The following ADGRL3 variants were observed in gnomAD, a reference collection of about 807,000 sequenced individuals.
ADGRL3 encodes calcium-independent alpha-latrotoxin receptor 3.
A neutral mutation model predicts 153.5 loss-of-function variants in ADGRL3; 62 were observed. That is an observed-to-expected ratio of 0.40 (90% CI 0.33 to 0.50). The LOEUF is 0.50. Ranked by LOEUF, ADGRL3 falls within the 20% of genes least tolerant of loss-of-function variation. The pLI, the probability that ADGRL3 is intolerant of heterozygous loss-of-function variation, is 0.47. For synonymous variants in ADGRL3, 710 were observed against 672.5 expected, an observed-to-expected ratio of 1.06 and a Z score of -0.86; for missense variants, 1,641 against 1,859.4, an observed-to-expected ratio of 0.88 and a Z score of 2.16.
intron 20 of ADGRL3, among the ~76,000 whole-genome samples, chr4:61,997,077 T>G (rs981326453): frequency 2.6e-5 from 4 of 152,066 alleles, no homozygotes; most frequent in Non-Finnish European, 5.9e-5. Context: ...ACAAGATGTA[T>G]TTTGGAATCA....
At chr4:61,867,515 C>CATATATATATATATATAGATATATATAT in intron 9 of ADGRL3, among the ~76,000 whole-genome samples, 1 of 81,162 alleles carries the variant, frequency 1.2e-5, no homozygotes, top group Non-Finnish European at 2.7e-5. Context: ...AATATATATG[C>CATATATATATATATATAGATATATATAT]ATATATATAT....
intron 1 of ADGRL3, among the ~76,000 whole-genome samples, chr4:61,253,576 G>T (rs2091668186): frequency 6.6e-6 from 1 of 152,030 alleles, no homozygotes; most frequent in African/African-American, 2.4e-5. Flanking sequence ...CTGTGTTGCA[G>T]GATCCCCTTG....
chr4:61,851,963 C>T (rs1005390854), intron 9 of ADGRL3, among the ~76,000 whole-genome samples: 4 of 152,110 alleles, frequency 2.6e-5, no homozygotes, highest in African/African-American at 7.2e-5. Context: ...TCATCACGCA[C>T]GTGTTTACGG....
intron 3 of ADGRL3, among the ~76,000 whole-genome samples, chr4:61,507,157 G>A (rs1326886705): frequency 6.6e-6 from 1 of 152,012 alleles, no homozygotes; most frequent in East Asian, 1.9e-4. Context: ...TTTTGATAGG[G>A]AACTTGGTGA....
intron 8 of ADGRL3, 74 bp downstream of exon 8, chr4:61,733,628 T>G (rs529837492): frequency 1.9e-6 from 2 of 1,076,486 alleles, no homozygotes; most frequent in African/African-American, 3.2e-5. Flanking sequence ...TTTTATGTTT[T>G]TATTAAACTT....
intron 2 of ADGRL3, among the ~76,000 whole-genome samples, chr4:61,399,611 T>A (rs1357000274): frequency 6.6e-6 from 1 of 151,642 alleles, no homozygotes; most frequent in Non-Finnish European, 1.5e-5. Context: ...TAGTGAATAA[T>A]TTAAAAATGT....
At chr4:61,737,771 A>G (rs2096536265) in intron 8 of ADGRL3, among the ~76,000 whole-genome samples, 1 of 152,060 alleles carries the variant, frequency 6.6e-6, no homozygotes, top group Admixed American at 6.6e-5. Flanking sequence ...AGCACCAGGC[A>G]CCCTCTAGAT....
chr4:62,051,541 G>A (rs1245877795), intron 25 of ADGRL3, among the ~76,000 whole-genome samples: 1 of 151,412 alleles, frequency 6.6e-6, no homozygotes, highest in Admixed American at 6.6e-5. Context: ...TACTCAGCAC[G>A]TCCTTCTTAT....
chr4:61,299,070 T>G (rs1162350867), intron 1 of ADGRL3, among the ~76,000 whole-genome samples: 1 of 152,206 alleles, frequency 6.6e-6, no homozygotes, highest in Non-Finnish European at 1.5e-5. Flanking sequence ...AAATACATAA[T>G]GCATCTGTGA....
intron 1 of ADGRL3, among the ~76,000 whole-genome samples, chr4:61,234,405 C>A (rs1434216900): frequency 6.6e-6 from 1 of 152,112 alleles, no homozygotes; most frequent in African/African-American, 2.4e-5. Context: ...AATTACCACC[C>A]CCTGGGTCCC....
intron 5 of ADGRL3, among the ~76,000 whole-genome samples, chr4:61,660,660 A>G (rs2094568382): frequency 6.6e-6 from 1 of 152,154 alleles, no homozygotes; most frequent in Admixed American, 6.5e-5. Flanking sequence ...GTATAATGAC[A>G]TAGTGATATA....
intron 21 of ADGRL3, among the ~76,000 whole-genome samples, chr4:62,017,153 T>A (rs950908179): frequency 1.3e-5 from 2 of 152,062 alleles, no homozygotes; most frequent in African/African-American, 4.8e-5. Context: ...AAAAATTATC[T>A]CTATACTTCT....
At chr4:61,641,611 T>C (rs1297136731) in intron 5 of ADGRL3, among the ~76,000 whole-genome samples, 1 of 152,064 alleles carries the variant, frequency 6.6e-6, no homozygotes, top group Non-Finnish European at 1.5e-5. Flanking sequence ...ACAAAGGACA[T>C]GAACTCATCA....
chr4:61,505,169 T>C (rs138796103), intron 3 of ADGRL3, among the ~76,000 whole-genome samples: 1 of 152,280 alleles, frequency 6.6e-6, no homozygotes, highest in Non-Finnish European at 1.5e-5. Context: ...GATATTTCAT[T>C]GTAGTTATAA....
intron 13 of ADGRL3, among the ~76,000 whole-genome samples, chr4:61,917,077 G>T (rs1051364997): frequency 6.6e-6 from 1 of 152,046 alleles, no homozygotes; most frequent in Admixed American, 6.6e-5. Flanking sequence ...TAATTATTGC[G>T]ATTTTTAACT....
intron 8 of ADGRL3, among the ~76,000 whole-genome samples, chr4:61,746,954 C>A (rs1465233039): frequency 6.6e-6 from 1 of 152,098 alleles, no homozygotes; most frequent in Non-Finnish European, 1.5e-5. Flanking sequence ...AATTGATAGA[C>A]TGCCAGCAAG....
chr4:61,622,317 A>G (rs184467282), intron 5 of ADGRL3, among the ~76,000 whole-genome samples: 1 of 152,310 alleles, frequency 6.6e-6, no homozygotes, highest in Admixed American at 6.5e-5. Flanking sequence ...TTGACATTAT[A>G]TCTATTGGAT....
chr4:61,502,711 T>C (rs1270906997), intron 3 of ADGRL3, among the ~76,000 whole-genome samples: 1 of 152,124 alleles, frequency 6.6e-6, no homozygotes, highest in Non-Finnish European at 1.5e-5. Flanking sequence ...TGATTTAAGA[T>C]AATAGTCATA....
intron 9 of ADGRL3, among the ~76,000 whole-genome samples, chr4:61,816,107 G>A (rs945032128): frequency 9.2e-5 from 14 of 152,244 alleles, no homozygotes; most frequent in African/African-American, 3.4e-4. Context: ...AAAGGTAAGA[G>A]TCCTACTAAT....
Sources: gnomAD v4.1 joint callset for allele counts (sites outside exome capture counted in the v4.1 genomes callset) on GRCh38, gnomAD v4.1.1 for gene constraint, MANE v1.5 for transcripts, NCBI Gene and HGNC (gene_info 2026-07-23, HGNC 2026-07-21) for gene names.